The following EXOSC2 variants were observed in gnomAD, a reference collection of about 807,000 sequenced individuals.
EXOSC2 encodes the protein exosome complex component RRP4.
In EXOSC2, 29 loss-of-function variants were observed where a neutral mutation model predicts 37.6. The ratio of observed to expected loss-of-function variants is 0.77; its 90% confidence interval spans 0.57 to 1.05. EXOSC2 has a LOEUF of 1.05. Among genes scored for constraint, EXOSC2 ranks in the 50% least tolerant of loss-of-function variants. The probability of loss-of-function intolerance (pLI) is 0.00; values close to 1 mark genes in which losing one functional copy is unlikely to be tolerated. For missense variants in EXOSC2, 346 were observed against 365.6 expected, an observed-to-expected ratio of 0.95 and a Z score of 0.44; for synonymous variants, 119 against 131.1, an observed-to-expected ratio of 0.91 and a Z score of 0.63.
intron 3 of EXOSC2, chr9:130,697,911 A>T (rs910682240): frequency 4.4e-5 from 24 of 541,204 alleles, no homozygotes; most frequent in African/African-American, 4.4e-4. Context: ...CTCCTGCCTC[A>T]GCCTCCCAAG....
rs1261624126 is a variant in EXOSC2 at position 130,698,300 on chromosome 9, G to T, written c.360+49G>T. The stretch of plus-strand genomic sequence containing the variant: ...GGACTAGGGCCCAGTGGGCTGGGGG[G>T]AGCCGTGGGACCCTTTGTTCCACCA... On this transcript the variant is annotated intron_variant, in intron 4 of 8. Transcript: ENST00000372358. This position sits in a 1 kb window ranked among gnomAD's most constrained non-coding sequence, Gnocchi z 4.1. 3 of 1,547,352 alleles carry T rather than the reference G, an allele frequency of 1.9e-6. No individual in the cohort carries two copies. The highest frequency in any genetic ancestry group is 2.7e-5 in the African/African-American group (2 of 73,524).
chr9:130,694,017 C>T lies in EXOSC2; in HGVS notation c.122+104C>T, dbSNP rs118171791. ...CTGTGTGTGTAACTCCCCGCGGGAC[C>T]CAGGGCACTTCGTCTGAGCATCCTA... On this transcript the variant is annotated intron_variant, in intron 1 of 8. Coordinates refer to ENST00000372358, the MANE Select transcript of EXOSC2 (RefSeq NM_014285.7). The surrounding 1 kb of genome is among the most constrained non-coding windows in gnomAD (Gnocchi z 4.0). 0.022 allele frequency: 30,165 copies of T among 1,381,268 alleles called. 414 individuals are homozygous for T. Among genetic ancestry groups the T allele is most frequent in the Admixed American group, 0.042 (1,618 of 38,974 alleles). 85.6% of individuals were successfully genotyped at this position (1,381,268 alleles called of 1,614,324 possible).
Position 130,694,124 on chromosome 9 carries a change from C to T in EXOSC2, c.122+211C>T, listed in dbSNP as rs1564254141. 6.6e-6 allele frequency among the ~76,000 whole-genome samples: 1 copy of T among 152,120 alleles called. No homozygotes were observed. The highest frequency in any genetic ancestry group is 2.4e-5 in the African/African-American group (1 of 41,416). On this transcript the variant is annotated intron_variant, in intron 1 of 8. Coordinates refer to ENST00000372358, the MANE Select transcript of EXOSC2 (RefSeq NM_014285.7). This position sits in a 1 kb window ranked among gnomAD's most constrained non-coding sequence, Gnocchi z 4.0. The stretch of plus-strand genomic sequence containing the variant: ...CTGCATTTGTCTCAGCTCCCTGAAA[C>T]CCTCCACTCCTGACCTCCGGTGGCT...
At chr9:130,700,372 T>TA (rs57476952) in intron 5 of EXOSC2, among the ~76,000 whole-genome samples, 10 of 144,564 alleles carry the variant, frequency 6.9e-5, no homozygotes, top group African/African-American at 2.7e-4. Flanking sequence ...TTTATTTATT[T>TA]TTTTGAGACG....
Position 130,698,246 on chromosome 9 carries a change from G to A in EXOSC2, c.355G>A (p.Glu119Lys), listed in dbSNP as rs1831139159. Residue 119 changes from glutamate to lysine, a missense_variant, in exon 4 of 9, where the codon GAG (glutamate) becomes AAG (lysine). Physicochemically the swap from Glu to Lys is moderately conservative, Grantham distance 56. Coordinates refer to ENST00000372358, the MANE Select transcript of EXOSC2 (RefSeq NM_014285.7). This position sits in a 1 kb window ranked among gnomAD's most constrained non-coding sequence, Gnocchi z 4.1. The part of the protein sequence containing the change: ...LLSSMNLPGG[E>K]LRRRSAEDEL... ...CTCGTCCATGAACCTTCCTGGAGGA[G>A]AGCTGGTAAGGGCTACAGCTGGGGC... The A allele has an allele frequency of 6.2e-7, 1 of 1,613,976 alleles. No individual in the cohort carries two copies. The highest frequency in any genetic ancestry group is 8.5e-7 in the Non-Finnish European group (1 of 1,180,016).
intron 5 of EXOSC2, among the ~76,000 whole-genome samples, chr9:130,700,305 C>T (rs964021274): frequency 1.3e-5 from 2 of 151,206 alleles, no homozygotes; most frequent in Non-Finnish European, 2.9e-5. Context: ...GGGCATGAGC[C>T]ACCATGCCTG....
intron 1 of EXOSC2, 33 bp from the exon 2 acceptor site, chr9:130,695,459 G>A (rs369221914): frequency 1.7e-5 from 27 of 1,574,154 alleles, no homozygotes; most frequent in Middle Eastern, 1.7e-4. Flanking sequence ...AGTTACCCTC[G>A]TATCCTTTCT....
rs765589963 is a variant in EXOSC2 at position 130,700,845 on chromosome 9, G to A, written c.427-22G>A. The A allele has an allele frequency of 3.7e-6, 6 of 1,613,592 alleles. No homozygotes were observed. The Admixed American group carries it at 1.0e-4, about 27-fold the overall frequency. On this transcript the variant is annotated intron_variant, in intron 5 of 8. Coordinates refer to ENST00000372358, the MANE Select transcript of EXOSC2 (RefSeq NM_014285.7). ...CAGTGTGTGGCCAAGGCTGCTGTTTGTTCCTTCATCACCCTGGCCAGGCTG... is the reference window on the plus strand; with the variant it reads ...CAGTGTGTGGCCAAGGCTGCTGTTTATTCCTTCATCACCCTGGCCAGGCTG...
In EXOSC2 at chr9:130,698,037, A is replaced by T; in HGVS notation, c.271-125A>T. On this transcript the variant is annotated intron_variant, in intron 3 of 8. Coordinates refer to ENST00000372358, the MANE Select transcript of EXOSC2 (RefSeq NM_014285.7). The surrounding 1 kb of genome is among the most constrained non-coding windows in gnomAD (Gnocchi z 4.1). ...TCAAACTCCTGACCTCAAGTGATCCACCAGCTTCGGCCTCCCAAAGTGCTG... is the reference window on the plus strand; with the variant it reads ...TCAAACTCCTGACCTCAAGTGATCCTCCAGCTTCGGCCTCCCAAAGTGCTG... The T allele has an allele frequency of 1.2e-6, 1 of 806,360 alleles. No individual in the cohort carries two copies. Among genetic ancestry groups the T allele is most frequent in the Non-Finnish European group, 2.1e-6 (1 of 479,878 alleles). 50.0% of individuals were successfully genotyped at this position (806,360 alleles called of 1,614,324 possible).
intron 7 of EXOSC2, 83 bp from the exon 8 acceptor site, chr9:130,702,970 T>C: frequency 6.7e-7 from 1 of 1,503,236 alleles, no homozygotes. Context: ...GAGTCATAAA[T>C]GATTTATTTG....
In EXOSC2 at chr9:130,698,068, A is replaced by T; in HGVS notation, c.271-94A>T. 1.7e-6 allele frequency: 2 copies of T among 1,191,610 alleles called. No individual in the cohort carries two copies. Among genetic ancestry groups the T allele is most frequent in the Non-Finnish European group, 2.5e-6 (2 of 805,860 alleles). 73.8% of individuals were successfully genotyped at this position (1,191,610 alleles called of 1,614,324 possible). A position where few individuals can be genotyped will look rare whatever the true frequency, so the allele number is the denominator to read the frequency against. On this transcript the variant is annotated intron_variant, in intron 3 of 8. Coordinates refer to ENST00000372358, the MANE Select transcript of EXOSC2 (RefSeq NM_014285.7). This position sits in a 1 kb window ranked among gnomAD's most constrained non-coding sequence, Gnocchi z 4.1. ...TTCGGCCTCCCAAAGTGCTGGGATT[A>T]CAGGCGTGAGCCACCACATCTGGCC...
At chr9:130,695,655 C>G in intron 2 of EXOSC2, 62 bp downstream of exon 2, 1 of 1,441,030 alleles carries the variant, frequency 6.9e-7, no homozygotes. Flanking sequence ...CAGGCTTTTC[C>G]TGCCCCCTCC....
rs745994967 is a variant in EXOSC2, at chr9:130,702,230, G to A, written c.592G>A (p.Gly198Ser). The A allele has an allele frequency of 6.8e-6, 11 of 1,613,954 alleles. No homozygotes were observed. Among genetic ancestry groups the A allele is most frequent in the African/African-American group, 4.0e-5 (3 of 74,882 alleles). ...DLPCGASVIL[G>S]NNGFIWIYPT... ...GCCATGTGGTGCCTCAGTGATTCTC[G>A]GTAACAACGGCTTCATCTGGATTTA... is the stretch of plus-strand genomic sequence containing the variant. The change falls in exon 7 of 9, where the codon GGT becomes AGT. Residue 198 changes from glycine (G) to serine (S), a missense_variant. Physicochemically the swap from Gly to Ser is moderately conservative, Grantham distance 56. Transcript: ENST00000372358.
intron 5 of EXOSC2, 21 bp downstream of exon 5, chr9:130,699,415 C>T (rs1159173584): frequency 5.0e-6 from 8 of 1,612,160 alleles, no homozygotes; most frequent in Non-Finnish European, 6.8e-6. Flanking sequence ...CTTTGCACTC[C>T]AGCCTCTTGA....
chr9:130,701,082 T>C (rs1048631585), intron 6 of EXOSC2, 147 bp downstream of exon 6: 2 of 707,756 alleles, frequency 2.8e-6, no homozygotes, highest in Admixed American at 4.9e-5. Flanking sequence ...ATCGTGTTCC[T>C]TAAACGTAAC....
intron 7 of EXOSC2, among the ~76,000 whole-genome samples, chr9:130,702,764 T>A (rs761998951): frequency 6.6e-6 from 1 of 152,096 alleles, no homozygotes; most frequent in Non-Finnish European, 1.5e-5. Context: ...TCTGCTAATT[T>A]ATCTATTTTT....
Position 130,698,311 on chromosome 9 carries a change from C to A in EXOSC2, c.360+60C>A. On this transcript the variant is annotated intron_variant, in intron 4 of 8. Coordinates refer to ENST00000372358, the MANE Select transcript of EXOSC2 (RefSeq NM_014285.7). This position sits in a 1 kb window ranked among gnomAD's most constrained non-coding sequence, Gnocchi z 4.1. ...CAGTGGGCTGGGGGGAGCCGTGGGA[C>A]CCTTTGTTCCACCAGAGGACTTTGA... 1 of 1,487,334 alleles carries A rather than the reference C, an allele frequency of 6.7e-7. No homozygotes were observed. The highest frequency in any genetic ancestry group is 9.3e-7 in the Non-Finnish European group (1 of 1,070,980). The allele number at this position is 1,487,334 out of a possible 1,614,324, so 92.1% of individuals were successfully genotyped here. A position where few individuals can be genotyped will look rare whatever the true frequency, so the allele number is the denominator to read the frequency against.
Position 130,700,892 on chromosome 9 carries a change from A to G in EXOSC2, c.452A>G (p.Asp151Gly). 6.2e-7 allele frequency: 1 copy of G among 1,614,052 alleles called. No homozygotes were observed. The highest frequency in any genetic ancestry group is 8.5e-7 in the Non-Finnish European group (1 of 1,179,970). Residue 151 changes from aspartate (D) to glycine (G), a missense_variant, in exon 6 of 9, where the codon GAC becomes GGC. By Grantham distance (94) the Asp-to-Gly change is moderately conservative. Coordinates refer to ENST00000372358, the MANE Select transcript of EXOSC2 (RefSeq NM_014285.7). The stretch of plus-strand genomic sequence containing the variant: ...GCTGAGGTCCAGGCAGTGTTCTCTG[A>G]CGGAGCTGTCTCTTTGCACACGAGG... Reference protein sequence around the residue: ...ISAEVQAVFSDGAVSLHTRSL... With the variant: ...ISAEVQAVFSGGAVSLHTRSL...
intron 3 of EXOSC2, 111 bp downstream of exon 3, chr9:130,697,738 G>T: frequency 2.1e-6 from 2 of 973,424 alleles, no homozygotes; most frequent in Non-Finnish European, 3.3e-6. Context: ...ATTGCATTTG[G>T]CCGTTGTGTG....
Sources: allele counts gnomAD v4.1 joint callset (sites outside exome capture counted in the v4.1 genomes callset), GRCh38; gene constraint gnomAD v4.1.1; non-coding constraint Gnocchi (gnomAD v3.1); transcripts MANE v1.5; gene names NCBI Gene and HGNC (gene_info 2026-07-23, HGNC 2026-07-21).